The following NPM2 variants were observed in gnomAD, a reference collection of about 807,000 sequenced individuals.
NPM2 encodes the protein nucleoplasmin-2.
NPM2 carries 25 observed loss-of-function variants against 32.0 expected under a neutral mutation model. That is an observed-to-expected ratio of 0.78 (90% CI 0.57 to 1.09). NPM2 has a LOEUF of 1.09. NPM2 is among the 50% of genes least tolerant of loss of function. The pLI, the probability that NPM2 is intolerant of heterozygous loss-of-function variation, is 0.00. For synonymous variants in NPM2, 111 were observed against 94.2 expected (o/e 1.18, Z -1.04); for missense variants, 282 against 259.9 (o/e 1.08, Z -0.58).
rs972905052 is a variant in NPM2, at chr8:22,034,053, C to T, written c.365-56C>T. The T allele has an allele frequency of 3.3e-6, 5 of 1,536,474 alleles. No homozygotes were observed. The African/African-American group carries it at 6.9e-5, about 21-fold the overall frequency. On this transcript the variant is annotated intron_variant, in intron 6 of 9. Transcript: ENST00000518119. ...CACGGATCACAGAATGGGAGGTGGG[C>T]ATTGATTCTGTAGCTCTGAAGCTGT...
At chr8:22,027,172 A>G (rs1800283434) in intron 5 of NPM2, among the ~76,000 whole-genome samples, 1 of 152,044 alleles carries the variant, frequency 6.6e-6, no homozygotes, top group African/African-American at 2.4e-5. Flanking sequence ...CCTATAAGTG[A>G]TAGTATTTAG....
chr8:22,028,753 G>T (rs924330275), intron 5 of NPM2, among the ~76,000 whole-genome samples: 4 of 152,148 alleles, frequency 2.6e-5, no homozygotes, highest in Non-Finnish European at 5.9e-5. Flanking sequence ...AAGCCTTTGT[G>T]TTCTGGCCTC....
Position 22,035,707 on chromosome 8 carries a change from G to C in NPM2, c.567-786G>C, listed in dbSNP as rs577242721. 3.3e-5 allele frequency among the ~76,000 whole-genome samples: 5 copies of C among 152,326 alleles called. No homozygotes were observed. The South Asian group carries it at 8.3e-4, about 25-fold the overall frequency. On this transcript the variant is annotated intron_variant, in intron 8 of 9. Transcript: ENST00000518119. ...CCAGCACTTTGGGAAGCCAAGGTGGGAGGATCACTTGAGGTCAGGAGTTCA... is the reference window on the plus strand; with the variant it reads ...CCAGCACTTTGGGAAGCCAAGGTGGCAGGATCACTTGAGGTCAGGAGTTCA...
At chr8:22,036,089 AAAGAC>A (rs1420247346) in intron 8 of NPM2, among the ~76,000 whole-genome samples, 1 of 151,996 alleles carries the variant, frequency 6.6e-6, no homozygotes, top group Admixed American at 6.6e-5. Flanking sequence ...TTATAATGAA[AAAGAC>A]ATTTGTGGGC....
chr8:22,027,557 T>A (rs1249697287), intron 5 of NPM2, among the ~76,000 whole-genome samples: 1 of 152,096 alleles, frequency 6.6e-6, no homozygotes, highest in Admixed American at 6.6e-5. Context: ...TCAACCTGAT[T>A]TTCTCTCAGA....
chr8:22,031,286 T>G (rs1473132823), intron 5 of NPM2, among the ~76,000 whole-genome samples: 1 of 152,188 alleles, frequency 6.6e-6, no homozygotes, highest in Non-Finnish European at 1.5e-5. Flanking sequence ...AGAAGAGGGC[T>G]GGTTTGGGCT....
intron 5 of NPM2, among the ~76,000 whole-genome samples, chr8:22,030,034 T>C (rs1309268563): frequency 1.3e-5 from 2 of 152,214 alleles, no homozygotes; most frequent in African/African-American, 2.4e-5. Context: ...CCTTTGAATA[T>C]TGACTGTCTT....
In NPM2 at chr8:22,027,692, C is replaced by T. The variant is rs140110391; in HGVS notation, c.270+1920C>T. On this transcript the variant is annotated intron_variant, in intron 5 of 9. Transcript: ENST00000518119. ...TGCGCTCTCGGCTCACTGCAACCTC[C>T]GCATCCCATGTTCGAGTGATTCTCC... Among the ~76,000 whole-genome samples, 665 of 151,972 alleles carry T rather than the reference C, an allele frequency of 4.4e-3. 3 individuals carry two copies. The highest frequency in any genetic ancestry group is 0.018 in the Admixed American group (274 of 15,258).
At chr8:22,025,805 G>GTCAGCC in intron 5 of NPM2, 33 bp downstream of exon 5, 1 of 1,613,136 alleles carries the variant, frequency 6.2e-7, no homozygotes, top group Non-Finnish European at 8.5e-7. Context: ...GAAGACTGCT[G>GTCAGCC]TCAGCCTCAC....
chr8:22,036,220 G>T, intron 8 of NPM2: 1 of 419,972 alleles, frequency 2.4e-6, no homozygotes, highest in Non-Finnish European at 4.3e-6. Flanking sequence ...CTGCACTCCA[G>T]CCTGGGCAAC....
chr8:22,035,067 C>T (rs1024217009), intron 8 of NPM2, among the ~76,000 whole-genome samples: 3 of 152,118 alleles, frequency 2.0e-5, no homozygotes, highest in Non-Finnish European at 2.9e-5. Context: ...CGTGCCACTG[C>T]GCTCCAGCCT....
At chr8:22,033,260 A>C in intron 6 of NPM2, 37 bp downstream of exon 6, 1 of 1,516,540 alleles carries the variant, frequency 6.6e-7, no homozygotes, top group Non-Finnish European at 9.2e-7. Context: ...GTCCGTGAGT[A>C]CCGTGCTAGG....
intron 5 of NPM2, among the ~76,000 whole-genome samples, chr8:22,031,111 C>G (rs1198566293): frequency 1.3e-5 from 2 of 152,126 alleles, no homozygotes; most frequent in Non-Finnish European, 2.9e-5. Context: ...CTGTACATTT[C>G]TTGGCTTGGC....
Position 22,036,690 on chromosome 8 carries a change from C to T in NPM2, c.*8C>T, listed in dbSNP as rs192036605. ...CCAGGATTCAAGAAATGAGGAGCCA[C>T]GCCTTGGGGGGCACGGTGCAAAGTG... On this transcript the variant is annotated 3_prime_UTR_variant, in exon 10 of 10. Transcript: ENST00000518119. 146 of 1,545,854 alleles carry T rather than the reference C, an allele frequency of 9.4e-5. No individual in the cohort carries two copies. Among genetic ancestry groups the T allele is most frequent in the African/African-American group, 2.8e-4 (20 of 72,456 alleles).
At chr8:22,036,104 C>T (rs1380460465) in intron 8 of NPM2, among the ~76,000 whole-genome samples, 1 of 151,856 alleles carries the variant, frequency 6.6e-6, no homozygotes, top group Non-Finnish European at 1.5e-5. Context: ...CATTTGTGGG[C>T]CAGGTGTGGT....
chr8:22,024,404 G>A lies in NPM2; in HGVS notation c.-360G>A. On this transcript the variant is annotated 5_prime_UTR_variant, in exon 1 of 10. Coordinates refer to ENST00000518119, the MANE Select transcript of NPM2 (RefSeq NM_001286680.2). ...GGCTGCAGGCCTCCCTTCCTAAGCT[G>A]AGCTGAGGCTTCCTCTCCATGGGCT... 1 of 152,458 alleles carries A rather than the reference G, an allele frequency of 6.6e-6. No individual in the cohort carries two copies. The highest frequency in any genetic ancestry group is 1.5e-5 in the Non-Finnish European group (1 of 68,214). 9.4% of individuals were successfully genotyped at this position (152,458 alleles called of 1,614,324 possible). A position where few individuals can be genotyped will look rare whatever the true frequency, so the allele number is the denominator to read the frequency against.
intron 5 of NPM2, among the ~76,000 whole-genome samples, chr8:22,032,876 G>A (rs1446510362): frequency 3.3e-5 from 5 of 152,128 alleles, no homozygotes; most frequent in Admixed American, 2.0e-4. Context: ...AGGATGGGGG[G>A]AATGGCCATA....
Position 22,034,494 on chromosome 8 carries a change from G to GT in NPM2, c.532-10dup, listed in dbSNP as rs746576416. The GT allele has an allele frequency of 1.9e-6, 3 of 1,607,196 alleles. No homozygotes were observed. The highest frequency in any genetic ancestry group is 2.2e-5 in the East Asian group (1 of 44,836). On this transcript the variant is annotated splice_polypyrimidine_tract_variant and intron_variant, in intron 7 of 9. Coordinates refer to ENST00000518119, the MANE Select transcript of NPM2 (RefSeq NM_001286680.2). Reference sequence around the variant, plus strand: ...TTTGTCTGAACTCTCATAATACACTGTTTTTTGGTTCCCAGAAAAAAAAGC... The same window carrying GT: ...TTTGTCTGAACTCTCATAATACACTGTTTTTTTGGTTCCCAGAAAAAAAAGC...
chr8:22,035,888 A>G (rs190205344), intron 8 of NPM2, among the ~76,000 whole-genome samples: 2 of 151,184 alleles, frequency 1.3e-5, no homozygotes, highest in Admixed American at 1.3e-4. Flanking sequence ...AACCAAGATC[A>G]CACCACTGCA....
Sources: allele counts gnomAD v4.1 joint callset (sites outside exome capture counted in the v4.1 genomes callset), GRCh38; gene constraint gnomAD v4.1.1; transcripts MANE v1.5; gene names NCBI Gene and HGNC (gene_info 2026-07-23, HGNC 2026-07-21).